Variants in GHRHR observed in about 807,000 individuals in gnomAD.
GHRHR encodes growth hormone releasing hormone receptor.
In GHRHR, 40 loss-of-function variants were observed where a neutral mutation model predicts 58.3. The observed-to-expected ratio is 0.69, with a 90% CI of 0.53 to 0.89. The LOEUF is 0.89. Ranked by LOEUF, GHRHR falls within the 40% of genes least tolerant of loss-of-function variation. GHRHR has a pLI of 0.00. For missense variants in GHRHR, 551 were observed against 541.3 expected (o/e 1.02, Z -0.18); for synonymous variants, 249 against 216.6 (o/e 1.15, Z -1.31).
Position 30,974,971 on chromosome 7 carries a change from G to T in GHRHR, c.813G>T (p.Ala271=). 1 of 1,608,838 alleles carries T rather than the reference G, an allele frequency of 6.2e-7. No individual in the cohort carries two copies. Among genetic ancestry groups the T allele is most frequent in the Non-Finnish European group, 8.5e-7 (1 of 1,175,224 alleles). Reference sequence around the variant, plus strand: ...ACGGCCTTCTTTCCTCTCTCCCCAGGTGCTGGGACCTGGACGACACCTCCC... The same window carrying T: ...ACGGCCTTCTTTCCTCTCTCCCCAGTTGCTGGGACCTGGACGACACCTCCC... ...VSCKLAFEDI[A]CWDLDDTSPY... The change falls in exon 9 of 13, where the codon GCG becomes GCT. Residue 271 remains alanine, a splice_region_variant and synonymous_variant. Transcript: ENST00000326139.
chr7:30,971,156 TG>T lies in GHRHR; in HGVS notation c.407del (p.Gly136AlafsTer7). The T allele has an allele frequency of 6.5e-7, 1 of 1,529,190 alleles. No individual in the cohort carries two copies. The highest frequency in any genetic ancestry group is 8.9e-7 in the Non-Finnish European group (1 of 1,123,916). 94.7% of individuals were successfully genotyped at this position (1,529,190 alleles called of 1,614,324 possible). ...YFSTVKIIYT[V>X]GHSISIVALF... The stretch of plus-strand genomic sequence containing the variant: ...TCCACAGTGAAGATTATCTACACCG[TG>T]GGCCATAGCATCTCTATTGTAGCCC... On this transcript the variant is annotated frameshift_variant, in exon 5 of 13. Transcript: ENST00000326139. LOFTEE classifies it high-confidence loss of function.
At chr7:30,970,986 T>A (rs1408971148) in intron 4 of GHRHR, 133 bp from the exon 5 acceptor site, 2 of 700,014 alleles carry the variant, frequency 2.9e-6, no homozygotes, top group African/African-American at 3.5e-5. Flanking sequence ...TCCATGGTAC[T>A]CGCGGACACC....
intron 5 of GHRHR, 58 bp downstream of exon 5, chr7:30,971,274 G>A: frequency 1.3e-6 from 1 of 793,394 alleles, no homozygotes; most frequent in Non-Finnish European, 2.2e-6. Context: ...TTCCCAGAGG[G>A]TCAAGTCTGC....
At chr7:30,979,031 C>G (rs563886347) in intron 12 of GHRHR, 88 bp from the exon 13 acceptor site, 1 of 1,258,126 alleles carries the variant, frequency 7.9e-7, no homozygotes, top group Non-Finnish European at 1.2e-6. Context: ...TTCTCTTACA[C>G]GGCCTCTCCC....
At chr7:30,975,983 T>C in intron 10 of GHRHR, 115 bp downstream of exon 10, 1 of 732,322 alleles carries the variant, frequency 1.4e-6, no homozygotes. Flanking sequence ...TTCTTCCCTA[T>C]GTTCCCAGAG....
At position 30,969,977 on chromosome 7, in the gene GHRHR, T is replaced by C. The variant is rs4988499; in HGVS notation, c.366+13T>C. Reference sequence around the variant, plus strand: ...GCTGGCTGAGGAGGTAAGAGTCTTCTGGCATCTTGGAGGAAGGACTGCCAT... The same window carrying C: ...GCTGGCTGAGGAGGTAAGAGTCTTCCGGCATCTTGGAGGAAGGACTGCCAT... On this transcript the variant is annotated intron_variant, in intron 4 of 12. Transcript: ENST00000326139. 1 of 1,048,912 alleles carries C rather than the reference T, an allele frequency of 9.5e-7. No homozygotes were observed. The highest frequency in any genetic ancestry group is 2.4e-5 in the East Asian group (1 of 42,408). The allele number at this position is 1,048,912 out of a possible 1,614,324, so 65.0% of individuals were successfully genotyped here. A position where few individuals can be genotyped will look rare whatever the true frequency, so the allele number is the denominator to read the frequency against.
intron 6 of GHRHR, among the ~76,000 whole-genome samples, chr7:30,972,603 G>C (rs1792501505): frequency 6.6e-6 from 1 of 152,146 alleles, no homozygotes; most frequent in Non-Finnish European, 1.5e-5. Flanking sequence ...GGGAGATGGG[G>C]AAGGAGAACA....
rs1232661328 is a variant in GHRHR at position 30,976,500 on chromosome 7, C to G, written c.1046C>G (p.Pro349Arg). ...GIHYIIFNFL[P>R]DNAGLGIRLP... Reference sequence around the variant, plus strand: ...CACTACATCATCTTCAACTTCCTGCCAGACAATGCTGGCCTGGGCATCCGC... The same window carrying G: ...CACTACATCATCTTCAACTTCCTGCGAGACAATGCTGGCCTGGGCATCCGC... Residue 349 changes from proline (P) to arginine (R), a missense_variant, in exon 11 of 13, where the codon CCA becomes CGA. Coordinates refer to ENST00000326139, the MANE Select transcript of GHRHR (RefSeq NM_000823.4). 6.2e-7 allele frequency: 1 copy of G among 1,613,440 alleles called. No individual in the cohort carries two copies. Among genetic ancestry groups the G allele is most frequent in the African/African-American group, 1.3e-5 (1 of 74,908 alleles).
At chr7:30,975,904 G>A (rs1420502725) in intron 10 of GHRHR, 36 bp downstream of exon 10, 2 of 1,142,590 alleles carry the variant, frequency 1.8e-6, no homozygotes, top group Non-Finnish European at 2.7e-6. Context: ...ACTGGGAAAG[G>A]GTAACTGGAG....
chr7:30,971,691 G>C (rs1792483943), intron 5 of GHRHR, among the ~76,000 whole-genome samples: 2 of 152,178 alleles, frequency 1.3e-5, no homozygotes, highest in Middle Eastern at 3.4e-3. Context: ...GGCAGTACCT[G>C]CCGTTTCTGC....
Position 30,965,899 on chromosome 7 carries a change from C to T in GHRHR, c.57+1774C>T, listed in dbSNP as rs115854268. Reference sequence around the variant, plus strand: ...AGTCTGTTGGGAGATGTAGGGGAGACGCAACGGGGCTCTGCCCTGAGATGG... The same window carrying T: ...AGTCTGTTGGGAGATGTAGGGGAGATGCAACGGGGCTCTGCCCTGAGATGG... On this transcript the variant is annotated intron_variant, in intron 1 of 12. Transcript: ENST00000326139. Among the ~76,000 whole-genome samples, 1,062 of 152,300 alleles carry T rather than the reference C, an allele frequency of 7.0e-3. 11 individuals are homozygous for T. The highest frequency in any genetic ancestry group is 0.019 in the African/African-American group (800 of 41,568).
At chr7:30,969,214 A>T (rs1272047206) in intron 3 of GHRHR, 44 bp downstream of exon 3, 2 of 1,280,980 alleles carry the variant, frequency 1.6e-6, no homozygotes, top group African/African-American at 1.5e-5. Context: ...AGGTGCTTTC[A>T]TCTGGAAGTG....
intron 12 of GHRHR, among the ~76,000 whole-genome samples, chr7:30,977,649 C>T (rs888323436): frequency 6.6e-6 from 1 of 151,944 alleles, no homozygotes; most frequent in African/African-American, 2.4e-5. Flanking sequence ...TAAAATTGAA[C>T]AAAAAGGAGA....
At chr7:30,966,636 C>CTT (rs1392500774) in intron 1 of GHRHR, among the ~76,000 whole-genome samples, 1 of 127,796 alleles carries the variant, frequency 7.8e-6, no homozygotes, top group African/African-American at 3.3e-5. Flanking sequence ...TGTCTTGCTT[C>CTT]TTTTTGTTTT....
Position 30,978,137 on chromosome 7 carries a change from C to T in GHRHR, c.1146+815C>T, listed in dbSNP as rs183931429. ...TTGGCTGCAGATGCCCTGTCCCCTT[C>T]GCTGTGGAGTTTTGCTCCCATCTCA... On this transcript the variant is annotated intron_variant, in intron 12 of 12. Coordinates refer to ENST00000326139, the MANE Select transcript of GHRHR (RefSeq NM_000823.4). 1.4e-3 allele frequency among the ~76,000 whole-genome samples: 210 copies of T among 152,332 alleles called. 1 individual carries two copies. Among genetic ancestry groups the T allele is most frequent in the African/African-American group, 4.7e-3 (194 of 41,582 alleles).
At chr7:30,974,577 G>A (rs2128598365) in intron 8 of GHRHR, 88 bp downstream of exon 8, 2 of 961,238 alleles carry the variant, frequency 2.1e-6, no homozygotes, top group East Asian at 4.8e-5. Flanking sequence ...TCTCCAGGCT[G>A]GGAAGAGGAG....
rs151020002 is a variant in GHRHR, at chr7:30,974,501, C to G, written c.812+12C>G. On this transcript the variant is annotated intron_variant, in intron 8 of 12. Coordinates refer to ENST00000326139, the MANE Select transcript of GHRHR (RefSeq NM_000823.4). Reference sequence around the variant, plus strand: ...TTCGAGGACATCGCGTGAGTCGGAGCGGCCACCTTGTCATACCCGCTGGTC... The same window carrying G: ...TTCGAGGACATCGCGTGAGTCGGAGGGGCCACCTTGTCATACCCGCTGGTC... 2 of 1,597,252 alleles carry G rather than the reference C, an allele frequency of 1.3e-6. No individual in the cohort carries two copies. The highest frequency in any genetic ancestry group is 1.7e-5 in the Admixed American group (1 of 59,990).
chr7:30,969,655 A>G, intron 3 of GHRHR: 1 of 633,070 alleles, frequency 1.6e-6, no homozygotes. Context: ...TTGTGAAGAG[A>G]TGGCACCTTT....
At chr7:30,965,290 C>T (rs575617668) in intron 1 of GHRHR, among the ~76,000 whole-genome samples, 6 of 152,300 alleles carry the variant, frequency 3.9e-5, no homozygotes, top group African/African-American at 1.2e-4. Flanking sequence ...AAAGCTAGAA[C>T]TCAATCACTG....
Sources: gnomAD v4.1 joint callset for allele counts (sites outside exome capture counted in the v4.1 genomes callset) on GRCh38, gnomAD v4.1.1 for gene constraint, MANE v1.5 for transcripts, NCBI Gene and HGNC (gene_info 2026-07-23, HGNC 2026-07-21) for gene names.